Variants in ATP8A2 observed in about 807,000 individuals in gnomAD.
ATP8A2 encodes ATPase phospholipid transporting 8A2, also known as phospholipid-transporting ATPase IB.
In ATP8A2, 100 loss-of-function variants were observed where a neutral mutation model predicts 165.6. The ratio of observed to expected loss-of-function variants is 0.60; its 90% CI spans 0.51 to 0.71. ATP8A2 has a LOEUF of 0.71. Ranked by LOEUF, ATP8A2 falls within the 30% of genes least tolerant of loss-of-function variation. ATP8A2 has a pLI of 0.00. For missense variants in ATP8A2, 1,227 were observed against 1,479.5 expected (o/e 0.83, Z 2.80); for synonymous variants, 543 against 548.8 (o/e 0.99, Z 0.15).
intron 27 of ATP8A2, among the ~76,000 whole-genome samples, chr13:25,817,928 G>C (rs983359130): frequency 1.3e-5 from 2 of 152,098 alleles, no homozygotes; most frequent in Admixed American, 6.6e-5. Flanking sequence ...CAGTCCTGCT[G>C]CCTCAACCTC....
At chr13:25,519,609 T>A (rs1593448981) in intron 2 of ATP8A2, among the ~76,000 whole-genome samples, 1 of 152,294 alleles carries the variant, frequency 6.6e-6, no homozygotes, top group East Asian at 1.9e-4. Flanking sequence ...AGAGGGAGAC[T>A]GAGTGAATCA....
chr13:25,559,762 T>C lies in ATP8A2; in HGVS notation c.1394T>C (p.Phe465Ser). 1.9e-6 allele frequency: 3 copies of C among 1,611,506 alleles called. No individual in the cohort carries two copies. Among genetic ancestry groups the C allele is most frequent in the Non-Finnish European group, 2.5e-6 (3 of 1,177,720 alleles). ...ELAREPSSDD[F>S]CRMPPPCSDS... The stretch of plus-strand genomic sequence containing the variant: ...GCAAGAGAGCCGTCTTCAGATGACT[T>C]CTGGTAAGTAGATTCTAGCACTTCT... Residue 465 changes from phenylalanine to serine, a missense_variant, in exon 15 of 37, where the codon TTC becomes TCC. Around this residue, in one of 5 missense-constraint regions of ATP8A2, gnomAD observed 592 missense variants for 785.6 expected, o/e 0.75. Coordinates refer to ENST00000381655, the MANE Select transcript of ATP8A2 (RefSeq NM_016529.6).
At chr13:25,535,732 T>C (rs1175487744) in intron 6 of ATP8A2, among the ~76,000 whole-genome samples, 5 of 152,018 alleles carry the variant, frequency 3.3e-5, no homozygotes, top group Non-Finnish European at 5.9e-5. Flanking sequence ...GGAGGATCAC[T>C]TGAGCATGGG....
intron 24 of ATP8A2, among the ~76,000 whole-genome samples, chr13:25,632,118 A>G (rs1008385124): frequency 6.6e-6 from 1 of 152,148 alleles, no homozygotes; most frequent in Non-Finnish European, 1.5e-5. Context: ...AAAGGATGTT[A>G]TGGATGAACA....
At chr13:25,857,546 G>A (rs1044277572) in intron 30 of ATP8A2, among the ~76,000 whole-genome samples, 1 of 126,380 alleles carries the variant, frequency 7.9e-6, no homozygotes, top group African/African-American at 3.0e-5. Flanking sequence ...TGGCTAATAT[G>A]TTTCTTTTCT....
intron 4 of ATP8A2, 43 bp downstream of exon 4, chr13:25,530,703 G>A (rs1566227749): frequency 8.3e-7 from 1 of 1,200,424 alleles, no homozygotes; most frequent in Admixed American, 2.0e-5. Context: ...GTATGCAGTA[G>A]ATAATAACTT....
At chr13:25,642,511 G>A (rs2041554464) in intron 24 of ATP8A2, among the ~76,000 whole-genome samples, 1 of 152,142 alleles carries the variant, frequency 6.6e-6, no homozygotes, top group Non-Finnish European at 1.5e-5. Flanking sequence ...ATAATCACTG[G>A]CCATCAGAGA....
intron 2 of ATP8A2, among the ~76,000 whole-genome samples, chr13:25,522,981 CA>C (rs1940070410): frequency 1.3e-5 from 2 of 151,948 alleles, no homozygotes; most frequent in South Asian, 4.2e-4. Context: ...AAGAGATAGC[CA>C]GGGGTAGTGG....
At chr13:25,808,845 C>A (rs972212517) in intron 27 of ATP8A2, among the ~76,000 whole-genome samples, 1 of 152,012 alleles carries the variant, frequency 6.6e-6, no homozygotes, top group East Asian at 1.9e-4. Context: ...TTTTACAAAC[C>A]ACTGTAACTT....
At chr13:25,727,228 AC>A (rs2043514011) in intron 25 of ATP8A2, among the ~76,000 whole-genome samples, 1 of 152,162 alleles carries the variant, frequency 6.6e-6, no homozygotes, top group Non-Finnish European at 1.5e-5. Context: ...ATCAAGCTTA[AC>A]CTTTATGTGA....
Position 25,530,073 on chromosome 13 carries a change from T to C in ATP8A2, c.296T>C (p.Phe99Ser). The change falls in exon 3 of 37, where the codon TTC (phenylalanine) becomes TCC (serine). Residue 99 changes from phenylalanine (F) to serine (S), a missense_variant. By Grantham distance (155) the Phe-to-Ser change is radical (BLOSUM62 -2). Around this residue, in one of 5 missense-constraint regions of ATP8A2, gnomAD observed 356 missense variants for 394.9 expected, o/e 0.90. Coordinates refer to ENST00000381655, the MANE Select transcript of ATP8A2 (RefSeq NM_016529.6). Reference protein sequence around the residue: ...YEQIRRAANAFFLFIALLQQI... With the variant: ...YEQIRRAANASFLFIALLQQI... Reference sequence around the variant, plus strand: ...CAGATTAGAAGAGCTGCTAATGCCTTCTTTCTCTTCATTGCCTTATTACAG... The same window carrying C: ...CAGATTAGAAGAGCTGCTAATGCCTCCTTTCTCTTCATTGCCTTATTACAG... 1 of 1,608,344 alleles carries C rather than the reference T, an allele frequency of 6.2e-7. No individual in the cohort carries two copies. The highest frequency in any genetic ancestry group is 1.1e-5 in the South Asian group (1 of 90,802).
At chr13:25,706,160 G>T (rs1235186031) in intron 25 of ATP8A2, among the ~76,000 whole-genome samples, 1 of 152,182 alleles carries the variant, frequency 6.6e-6, no homozygotes, top group East Asian at 1.9e-4. Flanking sequence ...CCTCTGTTTA[G>T]TAAGCATAGT....
intron 24 of ATP8A2, among the ~76,000 whole-genome samples, chr13:25,669,190 G>A (rs776783988): frequency 2.0e-5 from 3 of 151,664 alleles, no homozygotes; most frequent in South Asian, 2.1e-4. Flanking sequence ...CCCTAACCAC[G>A]GTCTATTATT....
chr13:25,678,655 G>A (rs1308353409), intron 24 of ATP8A2, among the ~76,000 whole-genome samples: 1 of 152,168 alleles, frequency 6.6e-6, no homozygotes, highest in Non-Finnish European at 1.5e-5. Flanking sequence ...CAGAGACCTG[G>A]TAAAGCCTTG....
chr13:25,544,309 G>A (rs2038575322), intron 10 of ATP8A2, among the ~76,000 whole-genome samples: 1 of 152,252 alleles, frequency 6.6e-6, no homozygotes, highest in South Asian at 2.1e-4. Flanking sequence ...TAGGCTGGAA[G>A]CCAGTGGACT....
intron 27 of ATP8A2, among the ~76,000 whole-genome samples, chr13:25,779,577 T>C (rs2044824674): frequency 6.6e-6 from 1 of 152,190 alleles, no homozygotes; most frequent in Non-Finnish European, 1.5e-5. Flanking sequence ...GATTCCTTTT[T>C]TTTTCTTCTC....
chr13:25,784,850 CT>C (rs1336565445), intron 27 of ATP8A2, among the ~76,000 whole-genome samples: 1 of 152,024 alleles, frequency 6.6e-6, no homozygotes, highest in Non-Finnish European at 1.5e-5. Flanking sequence ...ACTGCAACCT[CT>C]GCCTCCTGGG....
chr13:25,893,442 G>A (rs1953440884), intron 33 of ATP8A2, among the ~76,000 whole-genome samples: 1 of 151,760 alleles, frequency 6.6e-6, no homozygotes, highest in Non-Finnish European at 1.5e-5. Context: ...TCTTAATCCA[G>A]TCTATCATTG....
At chr13:25,611,308 A>G (rs1406914190) in intron 24 of ATP8A2, among the ~76,000 whole-genome samples, 1 of 151,866 alleles carries the variant, frequency 6.6e-6, no homozygotes, top group Non-Finnish European at 1.5e-5. Context: ...CTTTACATTG[A>G]GGTATGTCCC....
Sources: allele counts gnomAD v4.1 joint callset (sites outside exome capture counted in the v4.1 genomes callset), GRCh38; gene constraint gnomAD v4.1.1; regional missense constraint gnomAD v4.1.1; transcripts MANE v1.5; gene names NCBI Gene and HGNC (gene_info 2026-07-23, HGNC 2026-07-21).